Variants in NSUN6 observed in about 807,000 individuals in gnomAD.
NSUN6 encodes the protein tRNA (cytosine(72)-C(5))-methyltransferase NSUN6.
NSUN6 carries 64 observed loss-of-function variants against 58.0 expected under a neutral mutation model. The ratio of observed to expected loss-of-function variants is 1.10; its 90% CI spans 0.90 to 1.36. The LOEUF is 1.36. Among genes scored for constraint, NSUN6 ranks in the 40% most tolerant of loss-of-function variants. The probability of loss-of-function intolerance (pLI) is 0.00; values close to 1 mark genes in which losing one functional copy is unlikely to be tolerated. For synonymous variants in NSUN6, 231 were observed against 193.9 expected (o/e 1.19, Z -1.59); for missense variants, 701 against 550.1 (o/e 1.27, Z -2.74).
At chr10:18,622,955 T>C (rs12261343) in intron 3 of NSUN6, among the ~76,000 whole-genome samples, 1,969 of 152,348 alleles carry the variant, frequency 0.013, 44 homozygotes, top group African/African-American at 0.043. Context: ...CTGATCCAAA[T>C]GTAGCCTTTA....
chr10:18,652,506 G>A (rs1678984654), upstream of NSUN6: 38 of 982,264 alleles, frequency 3.9e-5, no homozygotes, highest in Non-Finnish European at 4.6e-5. Flanking sequence ...AGAAAGAGTA[G>A]AAAATAATGA....
intron 6 of NSUN6, among the ~76,000 whole-genome samples, chr10:18,609,142 CT>C (rs1200397799): frequency 6.6e-6 from 1 of 152,042 alleles, no homozygotes; most frequent in East Asian, 1.9e-4. Flanking sequence ...GACCCCATCT[CT>C]ACAAAAACAT....
chr10:18,657,920 G>GC (rs1191638864), upstream of NSUN6, among the ~76,000 whole-genome samples: 1 of 151,032 alleles, frequency 6.6e-6, no homozygotes, highest in Admixed American at 6.6e-5. Context: ...CCAAATGTCT[G>GC]CATCTTCATA....
At chr10:18,572,067 CATTCTCCATTCCATTCCCTTCT>C (rs1188287349) in intron 8 of NSUN6, among the ~76,000 whole-genome samples, 1 of 151,132 alleles carries the variant, frequency 6.6e-6, no homozygotes, top group Non-Finnish European at 1.5e-5. Context: ...CACTGAATTC[CATTCTCCATTCCATTCCCTTCT>C]ATTCTCCATT....
chr10:18,593,272 G>C (rs1053049395), intron 7 of NSUN6, among the ~76,000 whole-genome samples: 4 of 152,316 alleles, frequency 2.6e-5, no homozygotes, highest in East Asian at 1.9e-4. Context: ...GTGTAAATTA[G>C]TTCAACCGCT....
intron 7 of NSUN6, among the ~76,000 whole-genome samples, chr10:18,594,211 A>AAAAGAAAG (rs1554865791): frequency 6.6e-6 from 1 of 151,676 alleles, no homozygotes; most frequent in Non-Finnish European, 1.5e-5. Flanking sequence ...AAAAAAAAAA[A>AAAAGAAAG]AAAGAAAGCA....
At chr10:18,584,714 TC>T (rs2057049643) in intron 8 of NSUN6, among the ~76,000 whole-genome samples, 2 of 151,382 alleles carry the variant, frequency 1.3e-5, no homozygotes, top group African/African-American at 4.9e-5. Context: ...TGCAAAAAGA[TC>T]CACAACCAGA....
Position 18,633,943 on chromosome 10 carries a change from G to A in NSUN6, c.311+8533C>T, listed in dbSNP as rs548279453. Among the ~76,000 whole-genome samples the A allele has an allele frequency of 3.7e-4, 56 of 152,222 alleles. 1 individual carries two copies. Among genetic ancestry groups the A allele is most frequent in the Non-Finnish European group, 6.0e-4 (41 of 68,038 alleles). On this transcript the variant is annotated intron_variant, in intron 3 of 10. Coordinates refer to ENST00000377304, the MANE Select transcript of NSUN6 (RefSeq NM_182543.5). ...CTCGGCTCTGCTCACCAGGACTACA[G>A]ATGAGCCAGCAGAGAAGATTTGCAG...
In NSUN6 at chr10:18,648,630, C is replaced by T; in HGVS notation, c.91G>A (p.Gly31Ser). The T allele has an allele frequency of 6.3e-7, 1 of 1,582,388 alleles. No individual in the cohort carries two copies. Among genetic ancestry groups the T allele is most frequent in the Non-Finnish European group, 8.6e-7 (1 of 1,163,246 alleles). Residue 31 changes from glycine (G) to serine (S), a missense_variant, in exon 2 of 11, where the codon GGT (glycine) becomes AGT (serine). Transcript: ENST00000377304. The part of the protein sequence containing the change: ...FMNKEIVTAL[G>S]KQEAERKFET... ...AACTTCCTTTCTGCTTCTTGTTTACCTAAAGCAGTCACAATCTAAAAAGAA... is the reference window on the plus strand; with the variant it reads ...AACTTCCTTTCTGCTTCTTGTTTACTTAAAGCAGTCACAATCTAAAAAGAA...
intron 8 of NSUN6, among the ~76,000 whole-genome samples, chr10:18,561,086 A>T (rs1473773292): frequency 6.8e-6 from 1 of 147,686 alleles, no homozygotes; most frequent in Non-Finnish European, 1.5e-5. Flanking sequence ...AATGGAATGG[A>T]GAATGGAATG....
intron 6 of NSUN6, among the ~76,000 whole-genome samples, chr10:18,598,032 C>A (rs1479941726): frequency 2.0e-5 from 3 of 152,302 alleles, no homozygotes; most frequent in Admixed American, 6.5e-5. Context: ...ATCCAGATGG[C>A]CTGAAGCAAC....
chr10:18,610,806 A>G (rs1477069351), intron 5 of NSUN6, among the ~76,000 whole-genome samples: 1 of 152,222 alleles, frequency 6.6e-6, no homozygotes, highest in Non-Finnish European at 1.5e-5. Context: ...TGTCAGGCCA[A>G]AGCAGACAAA....
chr10:18,593,750 TAATGCA>T (rs2057468075), intron 7 of NSUN6, among the ~76,000 whole-genome samples: 1 of 151,948 alleles, frequency 6.6e-6, no homozygotes, highest in Non-Finnish European at 1.5e-5. Flanking sequence ...GAAAAATACC[TAATGCA>T]TGTGGGGCTT....
chr10:18,547,365 CTTCCT>C (rs1192195148), intron 10 of NSUN6, among the ~76,000 whole-genome samples: 1 of 152,178 alleles, frequency 6.6e-6, no homozygotes, highest in Non-Finnish European at 1.5e-5. Context: ...ATTCCGAAGT[CTTCCT>C]TTCATCTACA....
chr10:18,648,396 G>A (rs2059609414), intron 2 of NSUN6, 94 bp downstream of exon 2: 1 of 727,954 alleles, frequency 1.4e-6, no homozygotes, highest in Admixed American at 2.4e-5. Flanking sequence ...CTGTAAAACT[G>A]GAAGTGTATT....
intron 8 of NSUN6, among the ~76,000 whole-genome samples, chr10:18,575,458 C>T (rs889877855): frequency 5.3e-5 from 8 of 152,116 alleles, no homozygotes; most frequent in Non-Finnish European, 8.8e-5. Flanking sequence ...AGTTAAGGCC[C>T]TAATTGAAAA....
intron 1 of NSUN6, 44 bp from the exon 2 acceptor site, chr10:18,648,689 G>C: frequency 1.8e-6 from 2 of 1,126,528 alleles, no homozygotes; most frequent in South Asian, 2.6e-5. Flanking sequence ...ATTAAAAACA[G>C]TCAGCAGAGC....
intron 6 of NSUN6, among the ~76,000 whole-genome samples, chr10:18,601,000 C>T (rs1433375763): frequency 2.3e-5 from 2 of 88,790 alleles, no homozygotes; most frequent in South Asian, 4.0e-4. Flanking sequence ...ATATTATATA[C>T]TAGCTGCCAA....
intron 8 of NSUN6, among the ~76,000 whole-genome samples, chr10:18,578,498 C>T (rs1422361075): frequency 1.3e-5 from 2 of 152,098 alleles, no homozygotes; most frequent in Non-Finnish European, 2.9e-5. Flanking sequence ...CCCTTCCTGT[C>T]ATTTCTCTGG....
Sources: gnomAD v4.1 joint callset for allele counts (sites outside exome capture counted in the v4.1 genomes callset) on GRCh38, gnomAD v4.1.1 for gene constraint, MANE v1.5 for transcripts, NCBI Gene and HGNC (gene_info 2026-07-23, HGNC 2026-07-21) for gene names.